Variants in CYP7B1 observed in about 807,000 individuals in gnomAD.
CYP7B1 encodes the protein cytochrome P450 family 7 subfamily B member 1.
Under a neutral mutation model 42.7 loss-of-function variants are expected in CYP7B1, and 29 were observed. That is an observed-to-expected ratio of 0.68 (90% CI 0.51 to 0.93). CYP7B1 has a LOEUF of 0.93. CYP7B1 is among the 40% of genes least tolerant of loss of function. The probability of loss-of-function intolerance (pLI) is 0.00; values close to 1 mark genes in which losing one functional copy is unlikely to be tolerated. For synonymous variants in CYP7B1, 235 were observed against 218.2 expected, an observed-to-expected ratio of 1.08 and a Z score of -0.68; for missense variants, 655 against 600.5, an observed-to-expected ratio of 1.09 and a Z score of -0.95.
intron 2 of CYP7B1, among the ~76,000 whole-genome samples, chr8:64,616,617 T>C (rs1805453441): frequency 1.3e-5 from 2 of 152,234 alleles, no homozygotes; most frequent in Non-Finnish European, 2.9e-5. Context: ...ATACTTCTCA[T>C]ATATTTCCCT....
In CYP7B1 at chr8:64,798,683, C is replaced by A; in HGVS notation, c.-96G>T. The A allele has an allele frequency of 1.5e-6, 2 of 1,343,584 alleles. No homozygotes were observed. The highest frequency in any genetic ancestry group is 1.9e-6 in the Non-Finnish European group (2 of 1,036,914). The allele number at this position is 1,343,584 out of a possible 1,614,324, so 83.2% of individuals were successfully genotyped here. ...CCTGCGGCGGCTTCTCTCGGCGGCG[C>A]CCCCTAGTCCAGGGCCGGAGAGGCT... On this transcript the variant is annotated 5_prime_UTR_variant, in exon 1 of 6. Coordinates refer to ENST00000310193, the MANE Select transcript of CYP7B1 (RefSeq NM_004820.5).
At chr8:64,665,155 G>A (rs1212333353) in intron 1 of CYP7B1, among the ~76,000 whole-genome samples, 1 of 152,106 alleles carries the variant, frequency 6.6e-6, no homozygotes, top group African/African-American at 2.4e-5. Flanking sequence ...CAGGTACCAG[G>A]TCAGGTTCTG....
chr8:64,689,724 T>A (rs1476480465), intron 1 of CYP7B1, among the ~76,000 whole-genome samples: 1 of 152,030 alleles, frequency 6.6e-6, no homozygotes, highest in Non-Finnish European at 1.5e-5. Flanking sequence ...GCGCCACTAC[T>A]GCCCGGCAAA....
intron 1 of CYP7B1, among the ~76,000 whole-genome samples, chr8:64,652,315 C>T (rs1183014288): frequency 6.6e-6 from 1 of 152,026 alleles, no homozygotes; most frequent in Non-Finnish European, 1.5e-5. Context: ...AACTTTGGAC[C>T]AAATGGATCT....
chr8:64,663,866 TC>T (rs1806237084), intron 1 of CYP7B1, among the ~76,000 whole-genome samples: 1 of 152,182 alleles, frequency 6.6e-6, no homozygotes, highest in Non-Finnish European at 1.5e-5. Flanking sequence ...CTCGGCCTTT[TC>T]CCCTAAGTTG....
intron 1 of CYP7B1, among the ~76,000 whole-genome samples, chr8:64,643,166 T>G (rs1335440168): frequency 9.6e-6 from 1 of 103,784 alleles, no homozygotes. Context: ...TATATACACA[T>G]ATATACATAT....
intron 4 of CYP7B1, among the ~76,000 whole-genome samples, chr8:64,609,181 T>C (rs972118116): frequency 6.6e-6 from 1 of 152,200 alleles, no homozygotes; most frequent in African/African-American, 2.4e-5. Context: ...AAATTGGATA[T>C]ATTTATGGTG....
intron 1 of CYP7B1, among the ~76,000 whole-genome samples, chr8:64,689,866 C>T (rs1312980933): frequency 6.6e-6 from 1 of 152,196 alleles, no homozygotes; most frequent in Non-Finnish European, 1.5e-5. Context: ...CCACGCCCGG[C>T]CTGCTTCTGT....
At chr8:64,750,056 G>A (rs1202526828) in intron 1 of CYP7B1, among the ~76,000 whole-genome samples, 1 of 152,128 alleles carries the variant, frequency 6.6e-6, no homozygotes, top group Non-Finnish European at 1.5e-5. Context: ...TAGACATTTA[G>A]CCATACAATC....
intron 1 of CYP7B1, among the ~76,000 whole-genome samples, chr8:64,796,074 G>C (rs1804698487): frequency 1.3e-5 from 2 of 152,152 alleles, no homozygotes; most frequent in Admixed American, 1.3e-4. Flanking sequence ...TTGTTCAAAA[G>C]ATGAAAATGG....
intron 1 of CYP7B1, among the ~76,000 whole-genome samples, chr8:64,655,410 G>A (rs1008622301): frequency 2.0e-4 from 30 of 152,044 alleles, no homozygotes; most frequent in Non-Finnish European, 2.8e-4. Flanking sequence ...GCCAACAAGC[G>A]TATGAAAAAA....
At chr8:64,645,794 A>G (rs1805944450) in intron 1 of CYP7B1, among the ~76,000 whole-genome samples, 1 of 152,166 alleles carries the variant, frequency 6.6e-6, no homozygotes, top group Admixed American at 6.5e-5. Context: ...CTGACTTCAA[A>G]CTATACTACA....
intron 1 of CYP7B1, among the ~76,000 whole-genome samples, chr8:64,795,857 A>C (rs1804695150): frequency 6.6e-6 from 1 of 152,236 alleles, no homozygotes; most frequent in Admixed American, 6.5e-5. Context: ...CCAACAAGGG[A>C]AAAGACAATT....
intron 1 of CYP7B1, among the ~76,000 whole-genome samples, chr8:64,691,485 G>GGA (rs1387155729): frequency 3.3e-5 from 5 of 149,372 alleles, no homozygotes; most frequent in East Asian, 2.0e-4. Context: ...TGGCAACTGG[G>GGA]GGGGGGGGGT....
chr8:64,638,277 G>A (rs1446264690), intron 1 of CYP7B1, among the ~76,000 whole-genome samples: 2 of 152,116 alleles, frequency 1.3e-5, no homozygotes, highest in East Asian at 3.9e-4. Context: ...ATAAGGCTGT[G>A]TGTGTGTTTG....
chr8:64,737,947 G>A (rs909563632), intron 1 of CYP7B1, among the ~76,000 whole-genome samples: 6 of 152,088 alleles, frequency 3.9e-5, no homozygotes, highest in Non-Finnish European at 8.8e-5. Context: ...CCCTTTTTCA[G>A]ATGAGAGACA....
At chr8:64,708,672 T>G (rs1278887696) in intron 1 of CYP7B1, among the ~76,000 whole-genome samples, 2 of 152,222 alleles carry the variant, frequency 1.3e-5, no homozygotes, top group African/African-American at 2.4e-5. Context: ...ATTAATGTTT[T>G]GTTAGAAATT....
chr8:64,670,225 C>CA lies in CYP7B1; in HGVS notation c.123-45687dup, dbSNP rs1456077400. On this transcript the variant is annotated intron_variant, in intron 1 of 5. Transcript: ENST00000310193. Reference sequence around the variant, plus strand: ...CCCTTACCTGAAAGTCAGATACAGCCAGCAGTAGAGCCAAAGCAAGGAGAA... The same window carrying CA: ...CCCTTACCTGAAAGTCAGATACAGCCAAGCAGTAGAGCCAAAGCAAGGAGAA... 3.3e-5 allele frequency among the ~76,000 whole-genome samples: 5 copies of CA among 152,282 alleles called. No homozygotes were observed. The East Asian group carries it at 7.7e-4, about 24-fold the overall frequency.
chr8:64,611,596 T>C (rs1341766908), intron 4 of CYP7B1, among the ~76,000 whole-genome samples: 3 of 152,166 alleles, frequency 2.0e-5, no homozygotes, highest in Admixed American at 2.0e-4. Context: ...GTTATAATTT[T>C]TAATATTCTC....
Sources: allele counts gnomAD v4.1 joint callset (sites outside exome capture counted in the v4.1 genomes callset), GRCh38; gene constraint gnomAD v4.1.1; transcripts MANE v1.5; gene names NCBI Gene and HGNC (gene_info 2026-07-23, HGNC 2026-07-21).